Variants in SEPTIN9 observed in about 807,000 individuals in gnomAD.
SEPTIN9 encodes the protein septin 9.
In SEPTIN9, 13 loss-of-function variants were observed where a neutral mutation model predicts 56.6. The ratio of observed to expected loss-of-function variants is 0.23; its 90% CI spans 0.15 to 0.37. The LOEUF (loss-of-function observed/expected upper bound fraction) is 0.37. Ranked by LOEUF, SEPTIN9 falls within the 10% of genes least tolerant of loss-of-function variation. The pLI, the probability that SEPTIN9 is intolerant of heterozygous loss-of-function variation, is 1.00. For missense variants in SEPTIN9, 650 were observed against 823.1 expected, an observed-to-expected ratio of 0.79 and a Z score of 2.57; for synonymous variants, 332 against 334.1, an observed-to-expected ratio of 0.99 and a Z score of 0.07.
rs776257606 is a variant in SEPTIN9, at chr17:77,500,080, C to A, written c.*1422C>A. ...GGAGAAAGAGGGGCCTGATGAGACT[C>A]CACTCAGGTGCACACATCACCAGGT... On this transcript the variant is annotated 3_prime_UTR_variant, in exon 12 of 12. Coordinates refer to ENST00000427177, the MANE Select transcript of SEPTIN9 (RefSeq NM_001113491.2). The A allele has an allele frequency of 4.3e-6, 1 of 234,308 alleles. No individual in the cohort carries two copies. Among genetic ancestry groups the A allele is most frequent in the Non-Finnish European group, 8.4e-6 (1 of 118,908 alleles). 14.5% of individuals were successfully genotyped at this position (234,308 alleles called of 1,614,324 possible).
chr17:77,471,209 C>T (rs1330569443), intron 3 of SEPTIN9, among the ~76,000 whole-genome samples: 2 of 152,210 alleles, frequency 1.3e-5, no homozygotes, highest in Non-Finnish European at 2.9e-5. Context: ...GTCTTTCTCC[C>T]TCCTGAAGGG....
chr17:77,485,206 A>G (rs1351866981), intron 4 of SEPTIN9, among the ~76,000 whole-genome samples: 890 of 54,988 alleles, frequency 0.016, no homozygotes, highest in Middle Eastern at 0.12. Context: ...GGTGATGGTG[A>G]TGATTGTGAT....
At chr17:77,493,849 T>G (rs1285410331) in intron 10 of SEPTIN9, among the ~76,000 whole-genome samples, 1 of 149,628 alleles carries the variant, frequency 6.7e-6, no homozygotes, top group Admixed American at 6.7e-5. Context: ...CTCAGCTCAC[T>G]GCAACCTCTG....
Position 77,402,335 on chromosome 17 carries a change from A to T in SEPTIN9, c.353A>T (p.Gln118Leu), listed in dbSNP as rs200126434. The T allele has an allele frequency of 6.2e-7, 1 of 1,612,586 alleles. No homozygotes were observed. Among genetic ancestry groups the T allele is most frequent in the African/African-American group, 1.3e-5 (1 of 74,928 alleles). The stretch of plus-strand genomic sequence containing the variant: ...CTGTCCATTGACATCTCGTCCAAGC[A>T]GGTGGAGAACGCCGGGGCCATCGGC... The part of the protein sequence containing the change: ...TELSIDISSK[Q>L]VENAGAIGPS... The change falls in exon 3 of 12, where the codon CAG becomes CTG. Residue 118 changes from glutamine to leucine, a missense_variant. Gln to Leu is a moderately radical substitution (Grantham distance 113). This residue lies in a region of SEPTIN9 where 317 missense variants were observed against 329.1 expected (regional missense o/e 0.96). Coordinates refer to ENST00000427177, the MANE Select transcript of SEPTIN9 (RefSeq NM_001113491.2). This position sits in a 1 kb window ranked among gnomAD's most constrained non-coding sequence, Gnocchi z 6.6.
At chr17:77,355,341 C>T (rs453370) in intron 2 of SEPTIN9, among the ~76,000 whole-genome samples, 36,876 of 152,078 alleles carry the variant, frequency 0.24, 4,624 homozygotes, top group South Asian at 0.35. Flanking sequence ...CGCCAGATCC[C>T]GTCTTGGATG....
chr17:77,342,083 AAAAAC>A (rs1420616350), intron 2 of SEPTIN9, among the ~76,000 whole-genome samples: 5 of 152,024 alleles, frequency 3.3e-5, no homozygotes, highest in East Asian at 3.9e-4. Context: ...TCAAAAAAAA[AAAAAC>A]AAAGAAAGAA....
At chr17:77,288,833 G>A (rs2031396865) in intron 1 of SEPTIN9, among the ~76,000 whole-genome samples, 1 of 152,190 alleles carries the variant, frequency 6.6e-6, no homozygotes, top group Non-Finnish European at 1.5e-5. Context: ...GTGAGCCGGT[G>A]GCGTAGACAC....
intron 3 of SEPTIN9, among the ~76,000 whole-genome samples, chr17:77,413,683 G>A (rs1450502298): frequency 1.6e-5 from 2 of 125,656 alleles, no homozygotes; most frequent in East Asian, 3.9e-4. Flanking sequence ...TGAGTAGGTA[G>A]TGACGGGACT....
intron 2 of SEPTIN9, among the ~76,000 whole-genome samples, chr17:77,344,782 G>A (rs1370135780): frequency 6.6e-6 from 1 of 152,150 alleles, no homozygotes; most frequent in Non-Finnish European, 1.5e-5. Context: ...GACTAGCCTG[G>A]CCAGCATGGC....
chr17:77,488,426 C>CGGGAAA, intron 6 of SEPTIN9, 105 bp downstream of exon 6: 1 of 1,079,814 alleles, frequency 9.3e-7, no homozygotes, highest in Non-Finnish European at 1.4e-6. Context: ...GGTGCAGGGC[C>CGGGAAA]CACCTCCTGG....
At chr17:77,484,754 ATGG>A (rs1427289830) in intron 4 of SEPTIN9, among the ~76,000 whole-genome samples, 4 of 19,518 alleles carry the variant, frequency 2.0e-4, no homozygotes, top group African/African-American at 6.4e-4. Context: ...GGTGGTTGTG[ATGG>A]TGGTGATGTG....
At position 77,490,817 on chromosome 17, in the gene SEPTIN9, G is replaced by A. The variant is rs768871202; in HGVS notation, c.1338G>A (p.Ala446=). The A allele has an allele frequency of 7.3e-5, 116 of 1,594,426 alleles. No individual in the cohort carries two copies. The Middle Eastern group carries it at 1.5e-3, about 20-fold the overall frequency. Residue 446 remains alanine, a synonymous_variant, in exon 8 of 12, where the codon GCG becomes GCA. Transcript: ENST00000427177. ...ACATCGTCCCTGTCATCGCCAAGGCGGACACACTCACCCTGGAGGAGAGGG... is the reference window on the plus strand; with the variant it reads ...ACATCGTCCCTGTCATCGCCAAGGCAGACACACTCACCCTGGAGGAGAGGG... ...VVNIVPVIAK[A]DTLTLEERVH...
At chr17:77,373,671 C>A in intron 2 of SEPTIN9, 2 of 1,427,392 alleles carry the variant, frequency 1.4e-6, no homozygotes, top group Non-Finnish European at 1.8e-6. Context: ...GGAGACGGGA[C>A]CCCTAATCCA....
intron 4 of SEPTIN9, among the ~76,000 whole-genome samples, chr17:77,486,551 T>G (rs146013344): frequency 0.027 from 3,998 of 149,954 alleles, 71 homozygotes; most frequent in Middle Eastern, 0.041. Context: ...TTATATGTGA[T>G]TTGTTTGTGT....
intron 2 of SEPTIN9, among the ~76,000 whole-genome samples, chr17:77,380,482 G>A (rs920955738): frequency 6.6e-6 from 1 of 152,026 alleles, no homozygotes; most frequent in Non-Finnish European, 1.5e-5. Context: ...AACTGGGAAA[G>A]CCATCATTTG....
In SEPTIN9 at chr17:77,498,985, T is replaced by C. The variant is rs1300478901; in HGVS notation, c.*327T>C. 1 of 540,806 alleles carries C rather than the reference T, an allele frequency of 1.8e-6. No individual in the cohort carries two copies. Among genetic ancestry groups the C allele is most frequent in the East Asian group, 3.9e-5 (1 of 25,778 alleles). 33.5% of individuals were successfully genotyped at this position (540,806 alleles called of 1,614,324 possible). On this transcript the variant is annotated 3_prime_UTR_variant, in exon 12 of 12. Coordinates refer to ENST00000427177, the MANE Select transcript of SEPTIN9 (RefSeq NM_001113491.2). ...CTTCGGTGTGCAGATCATCCGTCTG[T>C]GTGGGGTTCTCAGTGCCGGAGGCCT...
At chr17:77,373,202 C>T in intron 2 of SEPTIN9, 3 of 1,094,042 alleles carry the variant, frequency 2.7e-6, no homozygotes, top group Non-Finnish European at 3.3e-6. Context: ...CCAGGCCTGG[C>T]CTTGACAGGC....
intron 3 of SEPTIN9, among the ~76,000 whole-genome samples, chr17:77,416,575 C>T (rs572505021): frequency 1.3e-5 from 2 of 152,258 alleles, no homozygotes; most frequent in South Asian, 4.1e-4. Flanking sequence ...GGTGAGGATG[C>T]GGTGGGAGGA....
At chr17:77,320,871 G>A (rs758385598) in intron 2 of SEPTIN9, among the ~76,000 whole-genome samples, 17 of 152,344 alleles carry the variant, frequency 1.1e-4, no homozygotes, top group East Asian at 1.9e-4. Context: ...GGAGCCTGGC[G>A]TGTGTGTGCA....
Sources: allele counts gnomAD v4.1 joint callset (sites outside exome capture counted in the v4.1 genomes callset), GRCh38; gene constraint gnomAD v4.1.1; regional missense constraint gnomAD v4.1.1; non-coding constraint Gnocchi (gnomAD v3.1); transcripts MANE v1.5; gene names NCBI Gene and HGNC (gene_info 2026-07-23, HGNC 2026-07-21).